Variants in RABGEF1 observed in about 807,000 individuals in gnomAD.
RABGEF1 encodes RAB guanine nucleotide exchange factor 1, also known as rab5 GDP/GTP exchange factor.
RABGEF1 carries 26 observed loss-of-function variants against 57.3 expected under a neutral mutation model. That is an observed-to-expected ratio of 0.45 (90% CI 0.33 to 0.63). The LOEUF is 0.63. Among genes scored for constraint, RABGEF1 ranks in the 20% least tolerant of loss-of-function variants. The pLI is 0.02. For missense variants in RABGEF1, 464 were observed against 607.6 expected (o/e 0.76, Z 2.48); for synonymous variants, 185 against 210.7 (o/e 0.88, Z 1.06).
rs781301023 is a variant in RABGEF1 at position 66,775,423 on chromosome 7, T to C, written c.346+30T>C. ...TGTTCTGATACTCTTTTTTTTCTTCTCTGCCTGAGTGAGACACAGAGGAGA... is the reference window on the plus strand; with the variant it reads ...TGTTCTGATACTCTTTTTTTTCTTCCCTGCCTGAGTGAGACACAGAGGAGA... On this transcript the variant is annotated intron_variant, in intron 3 of 8. Transcript: ENST00000284957. 10 of 1,608,710 alleles carry C rather than the reference T, an allele frequency of 6.2e-6. No homozygotes were observed. In the South Asian group the frequency reaches 1.1e-4, roughly 18 times the overall value.
chr7:66,756,053 A>G, intron 1 of RABGEF1: 1 of 1,505,804 alleles, frequency 6.6e-7, no homozygotes, highest in Non-Finnish European at 8.8e-7. Flanking sequence ...TTTTATTAGA[A>G]TGATGGCGTC....
chr7:66,777,807 A>G (rs1355569276), intron 3 of RABGEF1, among the ~76,000 whole-genome samples: 4 of 152,134 alleles, frequency 2.6e-5, no homozygotes, highest in Non-Finnish European at 5.9e-5. Flanking sequence ...AAAATTAATT[A>G]ATTAATAAAG....
chr7:66,771,741 TTCTC>T (rs1258795975), intron 1 of RABGEF1, 138 bp from the exon 2 acceptor site: 8 of 482,944 alleles, frequency 1.7e-5, no homozygotes, highest in Non-Finnish European at 2.8e-5. Context: ...TTCCTCCTCT[TTCTC>T]CCTCCCTCCT....
intron 1 of RABGEF1, among the ~76,000 whole-genome samples, chr7:66,754,967 G>A (rs1434358689): frequency 6.6e-6 from 1 of 152,046 alleles, no homozygotes; most frequent in Non-Finnish European, 1.5e-5. Flanking sequence ...TTGAGGCCAG[G>A]AGTTCGAGAC....
At chr7:66,741,616 C>T (rs573365568) in intron 1 of RABGEF1, among the ~76,000 whole-genome samples, 6 of 152,184 alleles carry the variant, frequency 3.9e-5, no homozygotes, top group African/African-American at 1.2e-4. Flanking sequence ...TTTCCCAGGA[C>T]GAGTTTACCG....
intron 1 of RABGEF1, among the ~76,000 whole-genome samples, chr7:66,760,498 C>T (rs1323802158): frequency 6.8e-6 from 1 of 146,774 alleles, no homozygotes; most frequent in East Asian, 2.1e-4. Context: ...GGCTGGAGTG[C>T]AATGGCACGG....
the RABGEF1 span, among the ~76,000 whole-genome samples, chr7:66,666,466 A>T: frequency 2.6e-5 from 4 of 152,314 alleles, no homozygotes; most frequent in African/African-American, 7.2e-5. Flanking sequence ...CTGAGGCCGA[A>T]GTGAGCCAGG....
the RABGEF1 span, among the ~76,000 whole-genome samples, chr7:66,663,479 G>A: frequency 6.6e-6 from 1 of 151,656 alleles, no homozygotes; most frequent in African/African-American, 2.4e-5. Context: ...TTGGGAGGCT[G>A]AGGCAGGAGA....
chr7:66,766,866 A>G (rs1805860444), intron 1 of RABGEF1, among the ~76,000 whole-genome samples: 1 of 151,986 alleles, frequency 6.6e-6, no homozygotes, highest in South Asian at 2.1e-4. Context: ...CTGGGATTAC[A>G]GGCAAGCGCC....
chr7:66,737,736 T>C (rs1193439823), upstream of RABGEF1, among the ~76,000 whole-genome samples: 1 of 152,150 alleles, frequency 6.6e-6, no homozygotes, highest in Admixed American at 6.5e-5. Flanking sequence ...CACTTGCCTG[T>C]AGTCACAGCT....
At chr7:66,800,191 T>C (rs1484096104) in intron 7 of RABGEF1, among the ~76,000 whole-genome samples, 1 of 152,144 alleles carries the variant, frequency 6.6e-6, no homozygotes, top group Non-Finnish European at 1.5e-5. Flanking sequence ...GGCCATCGAG[T>C]AGGCTCCTTT....
chr7:66,807,683 C>T (rs1038184505), intron 8 of RABGEF1, among the ~76,000 whole-genome samples: 3 of 152,212 alleles, frequency 2.0e-5, no homozygotes, highest in African/African-American at 7.2e-5. Flanking sequence ...AGTGGCAATG[C>T]CATGTCTCCA....
chr7:66,659,665 A>G, the RABGEF1 span, among the ~76,000 whole-genome samples: 9 of 151,870 alleles, frequency 5.9e-5, no homozygotes, highest in East Asian at 1.7e-3. Context: ...CTGTGGTTCC[A>G]GCTACTTGGG....
At chr7:66,719,765 T>G (rs1795795373) in intron 2 of RABGEF1, among the ~76,000 whole-genome samples, 1 of 152,222 alleles carries the variant, frequency 6.6e-6, no homozygotes, top group Non-Finnish European at 1.5e-5. Context: ...GATAAAGTTT[T>G]ATTGAAACAT....
At position 66,685,014 on chromosome 7, in the gene RABGEF1, C is replaced by T. The variant is rs149046557; in HGVS notation, c.-873+2756C>T. Among the ~76,000 whole-genome samples the T allele has an allele frequency of 2.8e-4, 43 of 152,196 alleles. 3 individuals are homozygous for T. In the East Asian group the frequency reaches 8.1e-3, roughly 29 times the overall value. The stretch of plus-strand genomic sequence containing the variant: ...CCCTGGCCTCAAGTGATTCTCTAGC[C>T]TTGGACTCCCAAAGTGTTGGGATTA... On this transcript the variant is annotated intron_variant and NMD_transcript_variant, in intron 1 of 9. Transcript: ENST00000607882.
intron 1 of RABGEF1, among the ~76,000 whole-genome samples, chr7:66,702,329 T>G (rs1793394757): frequency 6.7e-6 from 1 of 149,868 alleles, no homozygotes; most frequent in Non-Finnish European, 1.5e-5. Context: ...GGCTTCCACC[T>G]TCTGGCTATT....
At chr7:66,771,685 A>T (rs1401116335) in intron 1 of RABGEF1, among the ~76,000 whole-genome samples, 198 bp from the exon 2 acceptor site, 1 of 151,700 alleles carries the variant, frequency 6.6e-6, no homozygotes, top group African/African-American at 2.4e-5. Context: ...TTTCTTTAAT[A>T]TGGCTGTGTC....
At chr7:66,794,339 T>G (rs927967855) in intron 4 of RABGEF1, among the ~76,000 whole-genome samples, 1 of 151,600 alleles carries the variant, frequency 6.6e-6, no homozygotes, top group Non-Finnish European at 1.5e-5. Context: ...TTTTCTTTCT[T>G]GAGATGGGGT....
chr7:66,671,354 A>G, the RABGEF1 span, among the ~76,000 whole-genome samples: 4 of 151,838 alleles, frequency 2.6e-5, no homozygotes, highest in African/African-American at 4.8e-5. Context: ...TATCCTACGC[A>G]ATATGAGACC....
Sources: gnomAD v4.1 joint callset for allele counts (sites outside exome capture counted in the v4.1 genomes callset) on GRCh38, gnomAD v4.1.1 for gene constraint, MANE v1.5 for transcripts, NCBI Gene and HGNC (gene_info 2026-07-23, HGNC 2026-07-21) for gene names.